Variants in TMPRSS9 observed in about 807,000 individuals in gnomAD.
TMPRSS9 encodes transmembrane serine protease 9, also known as transmembrane protease serine 9.
TMPRSS9 carries 113 observed loss-of-function variants against 111.4 expected under a neutral mutation model. The ratio of observed to expected loss-of-function variants is 1.01; its 90% CI spans 0.87 to 1.19. The LOEUF is 1.19. Among genes scored for constraint, TMPRSS9 ranks in the 50% most tolerant of loss-of-function variants. The pLI is 0.00. For missense variants in TMPRSS9, 1,803 were observed against 1,513.1 expected (o/e 1.19, Z -3.18); for synonymous variants, 805 against 659.1 (o/e 1.22, Z -3.39).
rs182821872 is a variant in TMPRSS9, at chr19:2,365,005, C to T, written c.-26+4645C>T. 3.0e-3 allele frequency among the ~76,000 whole-genome samples: 458 copies of T among 151,624 alleles called. 1 individual carries two copies. In the Middle Eastern group the frequency reaches 0.041, roughly 14 times the overall value. On this transcript the variant is annotated intron_variant, in intron 1 of 17. Transcript: ENST00000649857. ...AAAAAAAAAAAAAGAGCAAAACTGACGCACGACTGTGGGTGCCACACTCTG... is the reference window on the plus strand; with the variant it reads ...AAAAAAAAAAAAAGAGCAAAACTGATGCACGACTGTGGGTGCCACACTCTG...
At chr19:2,424,377 C>A in intron 15 of TMPRSS9, 120 bp downstream of exon 16, 1 of 1,113,022 alleles carries the variant, frequency 9.0e-7, no homozygotes, top group Non-Finnish European at 1.1e-6. Flanking sequence ...CCAACCCCGG[C>A]TCCCACTGCC....
At chr19:2,425,866 C>G (rs1599324026) in intron 17 of TMPRSS9, 61 bp from the exon 19 acceptor site, 6 of 1,522,980 alleles carry the variant, frequency 3.9e-6, no homozygotes, top group Non-Finnish European at 5.2e-6. Flanking sequence ...GGGCCAATGA[C>G]CCAAGGGCTG....
chr19:2,396,729 G>C, intron 2 of TMPRSS9, 63 bp downstream of exon 3: 1 of 1,543,570 alleles, frequency 6.5e-7, no homozygotes, highest in Non-Finnish European at 8.8e-7. Flanking sequence ...CTTTGACCTG[G>C]AGGTGCTTTC....
chr19:2,419,362 C>A (rs62120759), intron 13 of TMPRSS9, among the ~76,000 whole-genome samples: 14,290 of 148,810 alleles, frequency 0.096, 1,034 homozygotes, highest in East Asian at 0.25. Flanking sequence ...CGCCACCATG[C>A]CCAGCTAATT....
At chr19:2,363,616 G>A (rs1210149675) in intron 1 of TMPRSS9, among the ~76,000 whole-genome samples, 1 of 151,716 alleles carries the variant, frequency 6.6e-6, no homozygotes, top group South Asian at 2.1e-4. Flanking sequence ...TGGGGAGGCA[G>A]GACTGGACCC....
In TMPRSS9 at chr19:2,425,280, G is replaced by T; in HGVS notation, c.2983+13G>T. On this transcript the variant is annotated intron_variant, in intron 16 of 17. Transcript: ENST00000648592. Reference sequence around the variant, plus strand: ...GTGCGCGAAGGAGGTAGGCGCGCCCGGGGCCGCGGTGGTGCGGGGCTCGGG... The same window carrying T: ...GTGCGCGAAGGAGGTAGGCGCGCCCTGGGCCGCGGTGGTGCGGGGCTCGGG... 1 of 1,236,342 alleles carries T rather than the reference G, an allele frequency of 8.1e-7. No individual in the cohort carries two copies. Among genetic ancestry groups the T allele is most frequent in the Non-Finnish European group, 1.0e-6 (1 of 987,358 alleles). The allele number at this position is 1,236,342 out of a possible 1,614,324, so 76.6% of individuals were successfully genotyped here. A position where few individuals can be genotyped will look rare whatever the true frequency, so the allele number is the denominator to read the frequency against.
Position 2,363,803 on chromosome 19 carries a change from T to TGTGTGC in TMPRSS9, c.-26+3444_-26+3445insTGTGCG, listed in dbSNP as rs1432791076. Among the ~76,000 whole-genome samples, 64 of 116,634 alleles carry TGTGTGC rather than the reference T, an allele frequency of 5.5e-4. 1 individual carries two copies. The highest frequency in any genetic ancestry group is 8.4e-3 in the Middle Eastern group (2 of 238). 76.5% of individuals were successfully genotyped at this position (116,634 alleles called of 152,430 possible). A position where few individuals can be genotyped will look rare whatever the true frequency, so the allele number is the denominator to read the frequency against. On this transcript the variant is annotated intron_variant, in intron 1 of 17. Transcript: ENST00000649857. ...CTCTGTGTGTGAGTGTGTGTGTGTG[T>TGTGTGC]GCGTGCGCGCGTGTGTGTGTGAGAG...
rs1319623463 is a variant in TMPRSS9, at chr19:2,379,723, T to TC, written c.-25-10038_-25-10037insC. Among the ~76,000 whole-genome samples, 157 of 150,438 alleles carry TC rather than the reference T, an allele frequency of 1.0e-3. 1 individual carries two copies. Among genetic ancestry groups the TC allele is most frequent in the African/African-American group, 3.4e-3 (140 of 40,736 alleles). On this transcript the variant is annotated intron_variant, in intron 1 of 17. Coordinates refer to the TMPRSS9 transcript ENST00000649857. ...CTTCCTTCCTCTCTCCCTTCCTCTTTTTCTCTTTCTCTCTCTCTCTCTCTC... is the reference window on the plus strand; with the variant it reads ...CTTCCTTCCTCTCTCCCTTCCTCTTTCTTCTCTTTCTCTCTCTCTCTCTCTC...
chr19:2,397,641 CACGGTGGGT>C (rs952042344), intron 2 of TMPRSS9, among the ~76,000 whole-genome samples: 3 of 152,074 alleles, frequency 2.0e-5, no homozygotes, highest in Non-Finnish European at 4.4e-5. Context: ...TCCAGGCGGG[CACGGTGGGT>C]GGCTCACATC....
intron 8 of TMPRSS9, among the ~76,000 whole-genome samples, chr19:2,409,965 G>A (rs1308901940): frequency 6.6e-6 from 1 of 152,048 alleles, no homozygotes; most frequent in Non-Finnish European, 1.5e-5. Context: ...CTGGAATGAG[G>A]GGCCTGAGAT....
intron 7 of TMPRSS9, among the ~76,000 whole-genome samples, chr19:2,407,859 A>T (rs1971004260): frequency 1.3e-5 from 2 of 151,784 alleles, no homozygotes; most frequent in Admixed American, 1.3e-4. Flanking sequence ...ATATCAGCTC[A>T]CTGCAACCTC....
Position 2,376,664 on chromosome 19 carries a change from T to G in TMPRSS9, c.-25-13097T>G, listed in dbSNP as rs1289349123. Among the ~76,000 whole-genome samples, 5 of 152,240 alleles carry G rather than the reference T, an allele frequency of 3.3e-5. No individual in the cohort carries two copies. The East Asian group carries it at 9.7e-4, about 29-fold the overall frequency. The stretch of plus-strand genomic sequence containing the variant: ...TAGTAGAGATGGGGTTTCACCATGT[T>G]GGCCAGGCTGATCTCAAACTGACCT... On this transcript the variant is annotated intron_variant, in intron 1 of 17. Coordinates refer to the TMPRSS9 transcript ENST00000649857.
intron 1 of TMPRSS9, among the ~76,000 whole-genome samples, chr19:2,384,459 C>T (rs145768436): frequency 0.043 from 6,467 of 150,830 alleles, 152 homozygotes; most frequent in African/African-American, 0.054. Context: ...GCAGATCACC[C>T]GGGGTCAGGA....
chr19:2,421,930 T>C (rs748507616), exon 14 of TMPRSS9: 8 of 1,613,094 alleles, frequency 5.0e-6, no homozygotes, highest in East Asian at 2.2e-5. Context: ...AGCTGGGGTA[T>C]TGGCTGCGCT....
Position 2,425,909 on chromosome 19 carries a change from T to G in TMPRSS9, c.3121-18T>G. 6.4e-7 allele frequency: 1 copy of G among 1,574,702 alleles called. No individual in the cohort carries two copies. The highest frequency in any genetic ancestry group is 8.6e-7 in the Non-Finnish European group (1 of 1,166,596). On this transcript the variant is annotated intron_variant, in intron 17 of 17. Transcript: ENST00000648592. ...GGAGGTACCGGCCTCTGAACCCCCT[T>G]TCTTCTCTCCCCAACAGGGTGACGC...
intron 1 of TMPRSS9, among the ~76,000 whole-genome samples, chr19:2,366,604 TC>T (rs904733215): frequency 6.6e-6 from 1 of 150,684 alleles, no homozygotes; most frequent in African/African-American, 2.4e-5. Context: ...ACGCCTGTAA[TC>T]CCAGCACTTT....
intron 12 of TMPRSS9, 74 bp from the exon 14 acceptor site, chr19:2,417,928 C>G (rs1413103580): frequency 6.3e-7 from 1 of 1,575,832 alleles, no homozygotes; most frequent in Non-Finnish European, 8.6e-7. Context: ...CATCTCGGGG[C>G]TGTTATCGGA....
chr19:2,393,085 G>A (rs186927011), intron 1 of TMPRSS9, among the ~76,000 whole-genome samples: 1 of 152,298 alleles, frequency 6.6e-6, no homozygotes, highest in East Asian at 1.9e-4. Flanking sequence ...TGTAAAATGG[G>A]CCAATCAGGA....
intron 1 of TMPRSS9, among the ~76,000 whole-genome samples, chr19:2,362,385 C>G (rs552391307): frequency 7.0e-6 from 1 of 143,144 alleles, no homozygotes. Context: ...TGTCATTGTG[C>G]CTGTGATTGT....
Sources: allele counts gnomAD v4.1 joint callset (sites outside exome capture counted in the v4.1 genomes callset), GRCh38; gene constraint gnomAD v4.1.1; transcripts MANE v1.5; gene names NCBI Gene and HGNC (gene_info 2026-07-23, HGNC 2026-07-21).